The following SDC3 variants were observed in gnomAD, a reference collection of about 807,000 sequenced individuals.
The protein encoded by SDC3 is syndecan 3, also known as syndecan-3.
In SDC3, 13 loss-of-function variants were observed where a neutral mutation model predicts 24.4. The observed-to-expected ratio is 0.53, with a 90% CI of 0.35 to 0.85. The LOEUF is 0.85. SDC3 is among the 40% of genes least tolerant of loss of function. SDC3 has a pLI of 0.01. For synonymous variants in SDC3, 295 were observed against 260.9 expected, an observed-to-expected ratio of 1.13 and a Z score of -1.26; for missense variants, 571 against 584.5, an observed-to-expected ratio of 0.98 and a Z score of 0.24.
intron 1 of SDC3, among the ~76,000 whole-genome samples, chr1:30,887,101 C>G (rs1639840002): frequency 6.6e-6 from 1 of 152,126 alleles, no homozygotes; most frequent in Admixed American, 6.6e-5. Flanking sequence ...TGCACAGAGA[C>G]AGCCTGAAAG....
In SDC3 at chr1:30,873,248, T is replaced by C. The variant is rs1204076832; in HGVS notation, c.1292A>G (p.Tyr431Cys). 2 of 1,613,668 alleles carry C rather than the reference T, an allele frequency of 1.2e-6. No individual in the cohort carries two copies. Among genetic ancestry groups the C allele is most frequent in the Non-Finnish European group, 8.5e-7 (1 of 1,179,620 alleles). ...LEEPKQASVT[Y>C]QKPDKQEEFY... Reference sequence around the variant, plus strand: ...CTCCTCCTGCTTGTCAGGCTTCTGGTATGTGACGCTCGCCTGCTTGGGTTC... The same window carrying C: ...CTCCTCCTGCTTGTCAGGCTTCTGGCATGTGACGCTCGCCTGCTTGGGTTC... The change falls in exon 5 of 5, where the codon TAC becomes TGC. Residue 431 changes from tyrosine to cysteine, a missense_variant. Around this residue, in one of 2 missense-constraint regions of SDC3, gnomAD observed 74 missense variants for 112.9 expected, o/e 0.66. Coordinates refer to ENST00000339394, the MANE Select transcript of SDC3 (RefSeq NM_014654.4).
Position 30,901,528 on chromosome 1 carries a change from A to G in SDC3, c.138+6921T>C, listed in dbSNP as rs1570029701. ...ATGCAGGATGGACTGCAGGCTGCTC[A>G]ACAGCTCTGGAGAACCAGCCCCCAG... On this transcript the variant is annotated intron_variant, in intron 1 of 4. Transcript: ENST00000339394. Among the ~76,000 whole-genome samples, 5 of 152,254 alleles carry G rather than the reference A, an allele frequency of 3.3e-5. 1 individual carries two copies. The highest frequency in any genetic ancestry group is 3.3e-4 in the Admixed American group (5 of 15,300).
rs1465511384 is a variant in SDC3 at position 30,908,522 on chromosome 1, GCGGCCCCGGCCC to G, written c.53_64del (p.Gly18_Ala21del). Reference sequence around the variant, plus strand: ...CAGCCCGCGGGCCCCGGGCCCGGCCGCGGCCCCGGCCCCGGCGCCGGCCCCGTGGGCGGCCCC... The same window carrying G: ...CAGCCCGCGGGCCCCGGGCCCGGCCGCGGCGCCGGCCCCGTGGGCGGCCCC... On this transcript the variant is annotated inframe_deletion, in exon 1 of 5. Coordinates refer to ENST00000339394, the MANE Select transcript of SDC3 (RefSeq NM_014654.4). 2.1e-6 allele frequency: 2 copies of G among 967,136 alleles called. No homozygotes were observed. Among genetic ancestry groups the G allele is most frequent in the South Asian group, 9.1e-5 (2 of 21,870 alleles). 59.9% of individuals were successfully genotyped at this position (967,136 alleles called of 1,614,324 possible).
intron 1 of SDC3, among the ~76,000 whole-genome samples, chr1:30,881,201 C>A (rs1237094782): frequency 6.6e-6 from 1 of 151,950 alleles, no homozygotes; most frequent in East Asian, 1.9e-4. Context: ...CAGCCCACAC[C>A]AGCACACACT....
chr1:30,893,917 CG>C (rs1557522737), intron 1 of SDC3, among the ~76,000 whole-genome samples: 1 of 151,936 alleles, frequency 6.6e-6, no homozygotes, highest in African/African-American at 2.4e-5. Flanking sequence ...GTGCAGGGTG[CG>C]GGGGAGTGAG....
chr1:30,877,555 G>C, intron 2 of SDC3: 2 of 433,302 alleles, frequency 4.6e-6, no homozygotes, highest in African/African-American at 2.0e-5. Context: ...GACCCCAAAG[G>C]CACCCCTACC....
chr1:30,891,545 T>A (rs898643509), intron 1 of SDC3, among the ~76,000 whole-genome samples: 1 of 152,180 alleles, frequency 6.6e-6, no homozygotes, highest in Non-Finnish European at 1.5e-5. Context: ...CTCAACACCT[T>A]GGCTTTGCCT....
chr1:30,889,399 G>C (rs1386457329), intron 1 of SDC3, among the ~76,000 whole-genome samples: 1 of 152,106 alleles, frequency 6.6e-6, no homozygotes, highest in Non-Finnish European at 1.5e-5. Context: ...ACAGTACGTG[G>C]TCAGCACGTA....
Position 30,870,092 on chromosome 1 carries a change from A to G in SDC3, c.*3119T>C, listed in dbSNP as rs889292948. On this transcript the variant is annotated 3_prime_UTR_variant, in exon 5 of 5. Coordinates refer to ENST00000339394, the MANE Select transcript of SDC3 (RefSeq NM_014654.4). ...AAGAAATCCAGAGAACACAGGAGGCAGCCACTCCTACCCCATGAGGCAGAG... is the reference window on the plus strand; with the variant it reads ...AAGAAATCCAGAGAACACAGGAGGCGGCCACTCCTACCCCATGAGGCAGAG... The G allele has an allele frequency of 1.5e-5, 6 of 395,190 alleles. No individual in the cohort carries two copies. Among genetic ancestry groups the G allele is most frequent in the African/African-American group, 1.2e-4 (6 of 48,544 alleles). The allele number at this position is 395,190 out of a possible 1,614,324, so 24.5% of individuals were successfully genotyped here.
At position 30,876,616 on chromosome 1, in the gene SDC3, T is replaced by G. The variant is rs767596126; in HGVS notation, c.806A>C (p.Asp269Ala). 1.9e-6 allele frequency: 3 copies of G among 1,563,380 alleles called. No homozygotes were observed. The Middle Eastern group carries it at 5.2e-4, about 272-fold the overall frequency. Residue 269 changes from aspartate to alanine, a missense_variant, in exon 3 of 5, where the codon GAC (aspartate) becomes GCC (alanine). Coordinates refer to ENST00000339394, the MANE Select transcript of SDC3 (RefSeq NM_014654.4). The stretch of plus-strand genomic sequence containing the variant: ...GGGCAGGGTGCTCCTCTCAGGGATG[T>G]CAGGCTCCTGGGTGGTGGCCGGCCT... ...LPRPATTQEPDIPERSTLPLG... is the reference protein window; with the variant it reads ...LPRPATTQEPAIPERSTLPLG...
At position 30,873,223 on chromosome 1, in the gene SDC3, C is replaced by T. The variant is rs1639571294; in HGVS notation, c.1317G>A (p.Glu439=). Residue 439 remains glutamate, a synonymous_variant, in exon 5 of 5, where the codon GAG becomes GAA. Coordinates refer to ENST00000339394, the MANE Select transcript of SDC3 (RefSeq NM_014654.4). The part of the protein sequence containing the change: ...VTYQKPDKQE[E]FYA ...CACTGTGGCTCCACTAGGCATAGAA[C>T]TCCTCCTGCTTGTCAGGCTTCTGGT... is the stretch of plus-strand genomic sequence containing the variant. 3 of 1,613,416 alleles carry T rather than the reference C, an allele frequency of 1.9e-6. No homozygotes were observed. Among genetic ancestry groups the T allele is most frequent in the Non-Finnish European group, 2.5e-6 (3 of 1,179,358 alleles).
At chr1:30,887,308 C>G (rs1367407935) in intron 1 of SDC3, among the ~76,000 whole-genome samples, 1 of 152,040 alleles carries the variant, frequency 6.6e-6, no homozygotes, top group Non-Finnish European at 1.5e-5. Flanking sequence ...CGAGGAACAA[C>G]CTGGTGTGGA....
intron 1 of SDC3, among the ~76,000 whole-genome samples, chr1:30,899,623 G>T (rs1206540486): frequency 2.0e-5 from 3 of 152,152 alleles, no homozygotes; most frequent in Non-Finnish European, 4.4e-5. Flanking sequence ...ACCCGCCTTG[G>T]CCTCCCAAAG....
chr1:30,883,992 C>T (rs919995257), intron 1 of SDC3, among the ~76,000 whole-genome samples: 1 of 152,142 alleles, frequency 6.6e-6, no homozygotes, highest in Admixed American at 6.5e-5. Context: ...AGCATCACCG[C>T]AGGAATGTGG....
intron 1 of SDC3, among the ~76,000 whole-genome samples, chr1:30,905,871 AACACACAC>A (rs71813597): frequency 6.7e-6 from 1 of 148,354 alleles, no homozygotes; most frequent in South Asian, 2.1e-4. Context: ...CAGACACACA[AACACACAC>A]ACACACACAC....
chr1:30,894,406 ATG>A (rs1266357817), intron 1 of SDC3, among the ~76,000 whole-genome samples: 26 of 51,632 alleles, frequency 5.0e-4, no homozygotes, highest in African/African-American at 8.9e-4. Flanking sequence ...GGGAGTGAGA[ATG>A]TGTGTGTGGG....
At position 30,871,444 on chromosome 1, in the gene SDC3, AG is replaced by A. The variant is rs1423687985; in HGVS notation, c.*1766del. On this transcript the variant is annotated 3_prime_UTR_variant, in exon 5 of 5. Transcript: ENST00000339394. ...ACCGATGGAAATAGCCCTACTTGCTAGGTAACAAAGGAAGTAACCCCTCCCC... is the reference window on the plus strand; with the variant it reads ...ACCGATGGAAATAGCCCTACTTGCTAGTAACAAAGGAAGTAACCCCTCCCC... The A allele has an allele frequency of 2.0e-5, 3 of 152,256 alleles. No individual in the cohort carries two copies. Among genetic ancestry groups the A allele is most frequent in the African/African-American group, 7.2e-5 (3 of 41,462 alleles). The allele number at this position is 152,256 out of a possible 1,614,324, so 9.4% of individuals were successfully genotyped here.
intron 1 of SDC3, among the ~76,000 whole-genome samples, chr1:30,886,511 C>A (rs1639831610): frequency 6.6e-6 from 1 of 152,208 alleles, no homozygotes; most frequent in Non-Finnish European, 1.5e-5. Flanking sequence ...TCCACTGGAT[C>A]TCAGTGAAAC....
intron 1 of SDC3, among the ~76,000 whole-genome samples, chr1:30,893,333 CA>C (rs1489116379): frequency 1.4e-5 from 2 of 142,696 alleles, no homozygotes; most frequent in Non-Finnish European, 1.5e-5. Context: ...GTCTCATGAC[CA>C]AACATTTGTC....
Sources: gnomAD v4.1 joint callset for allele counts (sites outside exome capture counted in the v4.1 genomes callset) on GRCh38, gnomAD v4.1.1 for gene constraint, gnomAD v4.1.1 regional missense constraint, MANE v1.5 for transcripts, NCBI Gene and HGNC (gene_info 2026-07-23, HGNC 2026-07-21) for gene names.